GLRA3: variants seen among roughly 807,000 people sequenced by gnomAD.
GLRA3 encodes the protein glycine receptor alpha 3.
GLRA3 carries 44 observed loss-of-function variants against 60.4 expected under a neutral mutation model. The ratio of observed to expected loss-of-function variants is 0.73; its 90% confidence interval spans 0.57 to 0.94. The LOEUF (loss-of-function observed/expected upper bound fraction) is 0.94. Ranked by LOEUF, GLRA3 falls within the 40% of genes least tolerant of loss-of-function variation. The probability of loss-of-function intolerance (pLI) is 0.00; values close to 1 mark genes in which losing one functional copy is unlikely to be tolerated. For missense variants in GLRA3, 508 were observed against 564.6 expected, an observed-to-expected ratio of 0.90 and a Z score of 1.02; for synonymous variants, 223 against 192.9, an observed-to-expected ratio of 1.16 and a Z score of -1.29.
intron 1 of GLRA3, among the ~76,000 whole-genome samples, chr4:174,801,251 G>A (rs1739800266): frequency 6.6e-6 from 1 of 152,024 alleles, no homozygotes; most frequent in Non-Finnish European, 1.5e-5. Flanking sequence ...ATCCTCCACA[G>A]AGCTAAATCC....
chr4:174,721,493 C>CACTT (rs59577771), intron 4 of GLRA3, among the ~76,000 whole-genome samples: 61,693 of 150,196 alleles, frequency 0.41, 12,864 homozygotes, highest in South Asian at 0.47. Flanking sequence ...CATATATAAA[C>CACTT]AAGTAATAAT....
chr4:174,801,400 A>G (rs1168643411), intron 1 of GLRA3, among the ~76,000 whole-genome samples: 5 of 152,186 alleles, frequency 3.3e-5, no homozygotes, highest in Non-Finnish European at 4.4e-5. Context: ...CCTGCACTAC[A>G]GACTATTGGG....
At chr4:174,756,940 C>G (rs1311096346) in intron 3 of GLRA3, among the ~76,000 whole-genome samples, 1 of 152,194 alleles carries the variant, frequency 6.6e-6, no homozygotes, top group African/African-American at 2.4e-5. Context: ...GCCCCCGCGC[C>G]CGGCCAAATG....
intron 1 of GLRA3, among the ~76,000 whole-genome samples, chr4:174,791,736 G>T (rs1739353931): frequency 6.6e-6 from 1 of 151,884 alleles, no homozygotes; most frequent in Non-Finnish European, 1.5e-5. Flanking sequence ...TCCTGTGTTT[G>T]GTCCATATAT....
intron 5 of GLRA3, among the ~76,000 whole-genome samples, chr4:174,710,338 A>G (rs1042771091): frequency 1.3e-5 from 2 of 152,146 alleles, no homozygotes; most frequent in Non-Finnish European, 2.9e-5. Context: ...AAAAATTTTC[A>G]CAAAAAACAC....
At chr4:174,816,366 T>G (rs745368803) in intron 1 of GLRA3, among the ~76,000 whole-genome samples, 4 of 152,142 alleles carry the variant, frequency 2.6e-5, no homozygotes, top group Non-Finnish European at 4.4e-5. Flanking sequence ...TAAAAAATAT[T>G]GGAAAGCCCT....
At position 174,788,938 on chromosome 4, in the gene GLRA3, A is replaced by G. The variant is rs777020982; in HGVS notation, c.77T>C (p.Val26Ala). The G allele has an allele frequency of 6.3e-7, 1 of 1,579,992 alleles. No individual in the cohort carries two copies. The highest frequency in any genetic ancestry group is 1.2e-5 in the South Asian group (1 of 85,058). Residue 26 changes from valine to alanine, a missense_variant, in exon 2 of 10, where the codon GTT becomes GCT. Around this residue, in one of 3 missense-constraint regions of GLRA3, gnomAD observed 329 missense variants for 349.3 expected, o/e 0.94. Coordinates refer to ENST00000274093, the MANE Select transcript of GLRA3 (RefSeq NM_006529.4). The part of the protein sequence containing the change: ...FWEAALLLSL[V>A]ATKETDSARS... ...TGCACTGTCTGTTTCCTTTGTGGCAACCAAACTACAAATAAGAACAAAAAT... is the reference window on the plus strand; with the variant it reads ...TGCACTGTCTGTTTCCTTTGTGGCAGCCAAACTACAAATAAGAACAAAAAT...
At chr4:174,808,706 G>C (rs1740145271) in intron 1 of GLRA3, among the ~76,000 whole-genome samples, 1 of 151,994 alleles carries the variant, frequency 6.6e-6, no homozygotes, top group South Asian at 2.1e-4. Flanking sequence ...TGTGGAGGTG[G>C]AAGATGGTGA....
intron 3 of GLRA3, among the ~76,000 whole-genome samples, chr4:174,758,591 C>T (rs1301875183): frequency 1.3e-5 from 2 of 152,002 alleles, no homozygotes; most frequent in African/African-American, 4.8e-5. Flanking sequence ...AGAAAAATAA[C>T]ATTAGTAAAA....
intron 2 of GLRA3, among the ~76,000 whole-genome samples, chr4:174,772,330 C>G (rs183282992): frequency 5.0e-4 from 76 of 152,250 alleles, no homozygotes; most frequent in African/African-American, 1.8e-3. Flanking sequence ...GGCTTCAAAA[C>G]CTAAATTTCA....
intron 7 of GLRA3, among the ~76,000 whole-genome samples, chr4:174,675,520 T>G (rs1475101731): frequency 6.6e-6 from 1 of 152,114 alleles, no homozygotes; most frequent in Non-Finnish European, 1.5e-5. Context: ...ACAAATGAGC[T>G]TTCATTTCTG....
In GLRA3 at chr4:174,751,057, G is replaced by GTCTATCTA. The variant is rs781291544; in HGVS notation, c.267+15905_267+15906insTAGATAGA. 2.0e-3 allele frequency among the ~76,000 whole-genome samples: 279 copies of GTCTATCTA among 142,384 alleles called. 1 individual carries two copies. Among genetic ancestry groups the GTCTATCTA allele is most frequent in the African/African-American group, 6.9e-3 (267 of 38,856 alleles). The allele number at this position is 142,384 out of a possible 152,430, so 93.4% of individuals were successfully genotyped here. ...ACCCAGAAAAAAGAGAAGCCTGTCT[G>GTCTATCTA]TCTGTCTATCTATCTATCTATCTAT... On this transcript the variant is annotated intron_variant, in intron 3 of 9. Coordinates refer to ENST00000274093, the MANE Select transcript of GLRA3 (RefSeq NM_006529.4).
At chr4:174,678,963 T>C (rs1276535000) in intron 6 of GLRA3, among the ~76,000 whole-genome samples, 1 of 152,130 alleles carries the variant, frequency 6.6e-6, no homozygotes, top group East Asian at 1.9e-4. Flanking sequence ...AAATTTCAGG[T>C]GATTCTCAAG....
intron 5 of GLRA3, among the ~76,000 whole-genome samples, chr4:174,705,910 T>A (rs950676659): frequency 2.6e-5 from 4 of 152,166 alleles, no homozygotes; most frequent in Non-Finnish European, 5.9e-5. Context: ...ATATGTATTT[T>A]GAAATAAATT....
At chr4:174,796,146 T>C (rs1216514965) in intron 1 of GLRA3, among the ~76,000 whole-genome samples, 4 of 152,002 alleles carry the variant, frequency 2.6e-5, no homozygotes, top group Non-Finnish European at 5.9e-5. Context: ...CCAAATGAGA[T>C]TAGTGCCTTT....
At chr4:174,649,147 G>A (rs1371629540) in intron 9 of GLRA3, among the ~76,000 whole-genome samples, 1 of 152,286 alleles carries the variant, frequency 6.6e-6, no homozygotes, top group East Asian at 1.9e-4. Context: ...CTGTGCTATG[G>A]TTAAAGATGA....
At chr4:174,807,667 G>A (rs1347559606) in intron 1 of GLRA3, among the ~76,000 whole-genome samples, 7 of 152,008 alleles carry the variant, frequency 4.6e-5, no homozygotes, top group Admixed American at 6.6e-5. Context: ...GAAAGAAAAA[G>A]TAAAACACAA....
chr4:174,802,313 T>C (rs1739845556), intron 1 of GLRA3, among the ~76,000 whole-genome samples: 1 of 152,062 alleles, frequency 6.6e-6, no homozygotes, highest in Non-Finnish European at 1.5e-5. Flanking sequence ...GAGACTTACA[T>C]TTGTCTCATC....
At chr4:174,721,007 TTGTGTGTG>T (rs10639932) in intron 4 of GLRA3, among the ~76,000 whole-genome samples, 13 of 141,558 alleles carry the variant, frequency 9.2e-5, no homozygotes, top group South Asian at 2.4e-4. Flanking sequence ...TGTGTGAACT[TTGTGTGTG>T]TGTGTGTGTG....
Sources: allele counts gnomAD v4.1 joint callset (sites outside exome capture counted in the v4.1 genomes callset), GRCh38; gene constraint gnomAD v4.1.1; regional missense constraint gnomAD v4.1.1; transcripts MANE v1.5; gene names NCBI Gene and HGNC (gene_info 2026-07-23, HGNC 2026-07-21).